TRHDE: variants seen among roughly 807,000 people sequenced by gnomAD.
TRHDE encodes thyrotropin-releasing hormone-degrading ectoenzyme.
TRHDE carries 72 observed loss-of-function variants against 125.7 expected under a neutral mutation model. That is an observed-to-expected ratio of 0.57 (90% CI 0.47 to 0.70). TRHDE has a LOEUF of 0.70. Ranked by LOEUF, TRHDE falls within the 30% of genes least tolerant of loss-of-function variation. The pLI is 0.00. For synonymous variants in TRHDE, 509 were observed against 509.1 expected (o/e 1.00, Z 0.00); for missense variants, 1,110 against 1,327.1 (o/e 0.84, Z 2.54).
chr12:72,454,602 C>T (rs61497936), intron 3 of TRHDE, among the ~76,000 whole-genome samples: 14,904 of 152,156 alleles, frequency 0.098, 914 homozygotes, highest in African/African-American at 0.16. Flanking sequence ...GTATTTTACT[C>T]GCCAATCTTC....
intron 15 of TRHDE, among the ~76,000 whole-genome samples, chr12:72,640,053 C>T (rs559361461): frequency 2.6e-5 from 4 of 152,336 alleles, no homozygotes; most frequent in Admixed American, 2.0e-4. Context: ...TTCCCTGCTG[C>T]TTTGTTTACC....
intron 2 of TRHDE, among the ~76,000 whole-genome samples, chr12:72,144,206 A>G (rs964024767): frequency 6.6e-6 from 1 of 152,170 alleles, no homozygotes; most frequent in African/African-American, 2.4e-5. Flanking sequence ...GAAGAGGTTG[A>G]CTTTTTAGGG....
At chr12:72,520,045 G>C (rs994792815) in intron 6 of TRHDE, among the ~76,000 whole-genome samples, 12 of 152,192 alleles carry the variant, frequency 7.9e-5, no homozygotes, top group Admixed American at 7.9e-4. Context: ...TCTCTTCAAA[G>C]CTGTCAGACA....
At chr12:72,487,102 T>A (rs1478174046) in intron 5 of TRHDE, among the ~76,000 whole-genome samples, 1 of 151,476 alleles carries the variant, frequency 6.6e-6, no homozygotes. Flanking sequence ...TTGTCAGAAT[T>A]TTTTTTTTAC....
chr12:72,131,065 ATTTTTTTTT>A (rs757285511), intron 2 of TRHDE, among the ~76,000 whole-genome samples: 11 of 105,472 alleles, frequency 1.0e-4, no homozygotes, highest in African/African-American at 3.9e-4. Flanking sequence ...ACTTAATGTA[ATTTTTTTTT>A]TTTTTTTTTT....
chr12:72,429,074 C>G lies in TRHDE; in HGVS notation c.1316-40684C>G, dbSNP rs569264155. Among the ~76,000 whole-genome samples the G allele has an allele frequency of 2.6e-5, 4 of 152,148 alleles. No individual in the cohort carries two copies. The South Asian group carries it at 8.3e-4, about 32-fold the overall frequency. Reference sequence around the variant, plus strand: ...ATGGATGAAGCTGGAAACCATCATTCTCAGCAAACTATCACAAGATCAGAA... The same window carrying G: ...ATGGATGAAGCTGGAAACCATCATTGTCAGCAAACTATCACAAGATCAGAA... On this transcript the variant is annotated intron_variant, in intron 3 of 18. Transcript: ENST00000261180.
At chr12:72,114,637 C>T (rs1875399936) in intron 2 of TRHDE, among the ~76,000 whole-genome samples, 1 of 151,994 alleles carries the variant, frequency 6.6e-6, no homozygotes. Flanking sequence ...GAAGAAAATC[C>T]ATGTATAAGT....
chr12:72,320,543 CTGTGTG>C (rs59244019), intron 2 of TRHDE, among the ~76,000 whole-genome samples: 57 of 143,162 alleles, frequency 4.0e-4, no homozygotes, highest in African/African-American at 8.7e-4. Context: ...AGAGGGTTGA[CTGTGTG>C]TGTGTGTGTG....
chr12:72,484,675 T>C (rs1877322459), intron 5 of TRHDE, among the ~76,000 whole-genome samples: 1 of 152,174 alleles, frequency 6.6e-6, no homozygotes, highest in African/African-American at 2.4e-5. Flanking sequence ...TAGGAATGCA[T>C]TCATTGAACA....
chr12:72,176,448 G>C (rs1335515847), intron 2 of TRHDE, among the ~76,000 whole-genome samples: 5 of 152,188 alleles, frequency 3.3e-5, no homozygotes, highest in Non-Finnish European at 7.3e-5. Context: ...GCTAGAGGCT[G>C]TGAGTGTGGG....
intron 15 of TRHDE, among the ~76,000 whole-genome samples, chr12:72,637,941 G>T (rs1322327246): frequency 1.3e-5 from 2 of 152,110 alleles, no homozygotes; most frequent in African/African-American, 2.4e-5. Context: ...GTCCGTTTTG[G>T]AATAGGTGTG....
chr12:72,618,979 C>T lies in TRHDE; in HGVS notation c.2410C>T (p.Arg804Ter), dbSNP rs762647325. 5.6e-6 allele frequency: 9 copies of T among 1,601,470 alleles called. No individual in the cohort carries two copies. Among genetic ancestry groups the T allele is most frequent in the East Asian group, 2.3e-5 (1 of 44,250 alleles). The change falls in exon 13 of 19, where the codon CGA becomes TGA. Residue 804 changes from arginine to a stop codon, truncating the protein, a stop_gained. Coordinates refer to ENST00000261180, the MANE Select transcript of TRHDE (RefSeq NM_013381.3). LOFTEE classifies it high-confidence loss of function. ...TTTTCTTCCTTGGCATGCTGCCAGC[C>T]GAGCTCTTTATCCTCTAGATAAATT... ...KDFLPWHAAS[R>*]ALYPLDKLLD...
intron 2 of TRHDE, among the ~76,000 whole-genome samples, chr12:72,307,499 C>G (rs1304273939): frequency 6.6e-6 from 1 of 151,996 alleles, no homozygotes; most frequent in African/African-American, 2.4e-5. Context: ...ATCTCTTTGG[C>G]TGCATTGTGG....
At chr12:72,391,498 A>AT (rs948216447) in intron 3 of TRHDE, among the ~76,000 whole-genome samples, 3 of 151,922 alleles carry the variant, frequency 2.0e-5, no homozygotes, top group African/African-American at 7.3e-5. Context: ...TATTGGCTTT[A>AT]TTTTTTTTCC....
chr12:72,201,917 A>C (rs1877567779), intron 2 of TRHDE, among the ~76,000 whole-genome samples: 1 of 152,222 alleles, frequency 6.6e-6, no homozygotes, highest in African/African-American at 2.4e-5. Context: ...GCTACTACCA[A>C]AATTTTCATT....
intron 3 of TRHDE, among the ~76,000 whole-genome samples, chr12:72,448,597 A>G (rs1446098430): frequency 6.6e-6 from 1 of 151,930 alleles, no homozygotes; most frequent in Non-Finnish European, 1.5e-5. Context: ...TTTTAGAACT[A>G]TTTTTCAAAG....
intron 2 of TRHDE, among the ~76,000 whole-genome samples, chr12:72,311,349 A>G (rs1357084525): frequency 6.6e-6 from 1 of 152,186 alleles, no homozygotes; most frequent in Non-Finnish European, 1.5e-5. Context: ...ATGTATGAAC[A>G]TATCAGTGTA....
At chr12:72,122,048 T>A (rs1426825520) in intron 2 of TRHDE, among the ~76,000 whole-genome samples, 1 of 152,108 alleles carries the variant, frequency 6.6e-6, no homozygotes, top group Non-Finnish European at 1.5e-5. Flanking sequence ...CTATTCTTCA[T>A]GTCACTCACA....
chr12:72,536,620 A>G (rs920484322), intron 6 of TRHDE, among the ~76,000 whole-genome samples: 3 of 151,906 alleles, frequency 2.0e-5, no homozygotes, highest in Non-Finnish European at 4.4e-5. Context: ...GTGATGGTAA[A>G]TGCAGAGGGG....
Sources: gnomAD v4.1 joint callset for allele counts (sites outside exome capture counted in the v4.1 genomes callset) on GRCh38, gnomAD v4.1.1 for gene constraint, MANE v1.5 for transcripts, NCBI Gene and HGNC (gene_info 2026-07-23, HGNC 2026-07-21) for gene names.